The following EEF1E1 variants were observed in gnomAD, a reference collection of about 807,000 sequenced individuals.
EEF1E1 encodes the protein eukaryotic translation elongation factor 1 epsilon 1.
A neutral mutation model predicts 19.9 loss-of-function variants in EEF1E1; 19 were observed. The observed-to-expected ratio is 0.95, with a 90% CI of 0.66 to 1.40. The LOEUF (loss-of-function observed/expected upper bound fraction) is 1.40, where lower values mean the gene tolerates loss of function less well. EEF1E1 is among the 40% of genes most tolerant of loss of function. The pLI is 0.00. For missense variants in EEF1E1, 198 were observed against 202.2 expected, an observed-to-expected ratio of 0.98 and a Z score of 0.13; for synonymous variants, 81 against 80.0, an observed-to-expected ratio of 1.01 and a Z score of -0.07.
intron 2 of EEF1E1, among the ~76,000 whole-genome samples, chr6:8,096,880 T>C (rs1280666253): frequency 5.9e-5 from 9 of 152,168 alleles, no homozygotes. Flanking sequence ...CTCTCTTGCC[T>C]CTGAGAAAGT....
intron 3 of EEF1E1, among the ~76,000 whole-genome samples, chr6:8,082,497 T>C (rs1757747572): frequency 6.6e-6 from 1 of 152,164 alleles, no homozygotes; most frequent in Admixed American, 6.5e-5. Context: ...CAGGCTGGTC[T>C]CGAACTCCTG....
intron 2 of EEF1E1, among the ~76,000 whole-genome samples, chr6:8,092,823 A>AAAACAG (rs1338060486): frequency 6.6e-6 from 1 of 151,982 alleles, no homozygotes; most frequent in Non-Finnish European, 1.5e-5. Flanking sequence ...ATTTTTTCCA[A>AAAACAG]AAACAGAATC....
chr6:8,085,150 TTTTA>T (rs545667513), intron 3 of EEF1E1, among the ~76,000 whole-genome samples: 64 of 151,976 alleles, frequency 4.2e-4, no homozygotes, highest in African/African-American at 1.2e-3. Context: ...TAAATATTGC[TTTTA>T]TTTATTTTTT....
chr6:8,095,732 T>C (rs1328756718), intron 2 of EEF1E1, among the ~76,000 whole-genome samples: 1 of 152,150 alleles, frequency 6.6e-6, no homozygotes, highest in Non-Finnish European at 1.5e-5. Context: ...ATTTGCTTAT[T>C]TCTACTTCCT....
At chr6:8,086,181 C>A (rs998460172) in intron 3 of EEF1E1, among the ~76,000 whole-genome samples, 4 of 152,032 alleles carry the variant, frequency 2.6e-5, no homozygotes, top group Non-Finnish European at 4.4e-5. Flanking sequence ...GAGTAGGGAA[C>A]TAATAACTGT....
chr6:8,097,253 A>G lies in EEF1E1; in HGVS notation c.288+14T>C. 6.2e-7 allele frequency: 1 copy of G among 1,612,582 alleles called. No individual in the cohort carries two copies. Among genetic ancestry groups the G allele is most frequent in the Non-Finnish European group, 8.5e-7 (1 of 1,178,570 alleles). ...CAGTTCATGCATTTCAGCCTATAAG[A>G]GAAGTCACGATACCTTCAACAGTGT... On this transcript the variant is annotated intron_variant, in intron 2 of 3. Transcript: ENST00000379715.
At chr6:8,084,572 G>A (rs866988532) in intron 3 of EEF1E1, among the ~76,000 whole-genome samples, 86 of 152,230 alleles carry the variant, frequency 5.6e-4, no homozygotes, top group African/African-American at 1.8e-3. Flanking sequence ...ATGACAGCCC[G>A]ATGCTACAGC....
chr6:8,080,026 T>A lies in EEF1E1; in HGVS notation c.389A>T (p.Asp130Val). The A allele has an allele frequency of 6.2e-7, 1 of 1,612,974 alleles. No individual in the cohort carries two copies. The highest frequency in any genetic ancestry group is 8.5e-7 in the Non-Finnish European group (1 of 1,179,714). The change falls in exon 4 of 4, where the codon GAC (aspartate) becomes GTC (valine). Residue 130 changes from aspartate (D) to valine (V), a missense_variant. Coordinates refer to ENST00000379715, the MANE Select transcript of EEF1E1 (RefSeq NM_004280.5). ...TTTCTCCTTTTCTTGAACTGTCAGGTCAACCTAAGTAGAGATTAAAAACAT... is the reference window on the plus strand; with the variant it reads ...TTTCTCCTTTTCTTGAACTGTCAGGACAACCTAAGTAGAGATTAAAAACAT... ...LYYGLHRFIV[D>V]LTVQEKEKYL...
intron 3 of EEF1E1, among the ~76,000 whole-genome samples, chr6:8,080,788 G>A (rs2815164): frequency 0.26 from 39,511 of 152,128 alleles, 6,002 homozygotes; most frequent in East Asian, 0.42. Context: ...GGGTGGTGTC[G>A]TTCCTTCTCC....
intron 3 of EEF1E1, among the ~76,000 whole-genome samples, chr6:8,081,277 T>C (rs1002451388): frequency 2.0e-5 from 3 of 152,222 alleles, no homozygotes; most frequent in African/African-American, 7.2e-5. Flanking sequence ...ATTCATCTTG[T>C]TTAAGGTTGT....
Position 8,086,772 on chromosome 6 carries a change from A to G in EEF1E1, c.384+3414T>C, listed in dbSNP as rs541188328. Among the ~76,000 whole-genome samples the G allele has an allele frequency of 1.6e-3, 247 of 152,356 alleles. 1 individual carries two copies. Among genetic ancestry groups the G allele is most frequent in the African/African-American group, 5.4e-3 (226 of 41,588 alleles). On this transcript the variant is annotated intron_variant, in intron 3 of 3. Coordinates refer to ENST00000379715, the MANE Select transcript of EEF1E1 (RefSeq NM_004280.5). The stretch of plus-strand genomic sequence containing the variant: ...ATAGAGGAAACTCCTTGAAAAGCAT[A>G]GAGAAATACGTTTAAAAATTTATTC...
At chr6:8,080,075 T>A in intron 3 of EEF1E1, 45 bp from the exon 4 acceptor site, 1 of 1,591,680 alleles carries the variant, frequency 6.3e-7, no homozygotes, top group South Asian at 1.1e-5. Context: ...AGATGTTACA[T>A]AAGCACAACT....
downstream of EEF1E1, among the ~76,000 whole-genome samples, chr6:8,076,740 A>G (rs977535023): frequency 6.6e-6 from 1 of 152,076 alleles, no homozygotes; most frequent in Non-Finnish European, 1.5e-5. Context: ...TCTCCTTTTT[A>G]TCTCCATCAG....
downstream of EEF1E1, chr6:8,078,686 CA>C: frequency 7.8e-7 from 1 of 1,286,082 alleles, no homozygotes; most frequent in Non-Finnish European, 1.0e-6. Context: ...CAGAGACAAA[CA>C]TGGGGGCCTG....
chr6:8,073,560 AG>A, intron 3 of EEF1E1: 1 of 1,549,850 alleles, frequency 6.5e-7, no homozygotes, highest in South Asian at 1.2e-5. Flanking sequence ...CACTTAGAAT[AG>A]TGCCTGATAC....
At chr6:8,077,203 A>G (rs555873635), downstream of EEF1E1, among the ~76,000 whole-genome samples, 22 of 152,274 alleles carry the variant, frequency 1.4e-4, no homozygotes, top group South Asian at 3.7e-3. Context: ...TTGGCCTCCC[A>G]AAGTGCTGGG....
chr6:8,087,184 G>A (rs1052736945), intron 3 of EEF1E1, among the ~76,000 whole-genome samples: 3 of 152,192 alleles, frequency 2.0e-5, no homozygotes, highest in Non-Finnish European at 4.4e-5. Flanking sequence ...TGTTGTGGCT[G>A]AGAGAATGAC....
At chr6:8,084,042 G>A (rs756007812) in intron 3 of EEF1E1, among the ~76,000 whole-genome samples, 1 of 152,130 alleles carries the variant, frequency 6.6e-6, no homozygotes, top group Non-Finnish European at 1.5e-5. Flanking sequence ...GGACTAGAGT[G>A]GGAGAGATAC....
At position 8,102,522 on chromosome 6, in the gene EEF1E1, C is replaced by G. The variant is rs199687705; in HGVS notation, c.-1G>C. ...GCGACAACTCTGCGGCCGCCGCCAT[C>G]TTCCGGCCGTAGCTCCTGGCAGACG... On this transcript the variant is annotated 5_prime_UTR_variant, in exon 1 of 4. Transcript: ENST00000379715. 6.2e-7 allele frequency: 1 copy of G among 1,610,248 alleles called. No homozygotes were observed. The highest frequency in any genetic ancestry group is 8.5e-7 in the Non-Finnish European group (1 of 1,179,966).
Sources: gnomAD v4.1 joint callset for allele counts (sites outside exome capture counted in the v4.1 genomes callset) on GRCh38, gnomAD v4.1.1 for gene constraint, MANE v1.5 for transcripts, NCBI Gene and HGNC (gene_info 2026-07-23, HGNC 2026-07-21) for gene names.